RYR1: variants seen among roughly 807,000 people sequenced by gnomAD.
RYR1 encodes central core disease of muscle.
Under a neutral mutation model 583.5 loss-of-function variants are expected in RYR1, and 342 were observed. The observed-to-expected ratio is 0.59, with a 90% CI of 0.54 to 0.64. RYR1 has a LOEUF of 0.64. RYR1 is among the 30% of genes least tolerant of loss of function. The probability of loss-of-function intolerance (pLI) is 0.00; values close to 1 mark genes in which losing one functional copy is unlikely to be tolerated. For synonymous variants in RYR1, 2,791 were observed against 2,822.5 expected (o/e 0.99, Z 0.35); for missense variants, 6,032 against 6,917.2 (o/e 0.87, Z 4.54).
intron 96 of RYR1, among the ~76,000 whole-genome samples, chr19:38,575,669 G>T (rs917454176): frequency 1.3e-5 from 2 of 152,156 alleles, no homozygotes; most frequent in Non-Finnish European, 2.9e-5. Flanking sequence ...CGGGCGTGGT[G>T]GTGGGCGCCT....
At chr19:38,535,518 C>G in intron 81 of RYR1, 126 bp downstream of exon 81, 1 of 784,276 alleles carries the variant, frequency 1.3e-6, no homozygotes, top group Admixed American at 1.8e-5. Flanking sequence ...CAGAATCGCT[C>G]AAATAACAGG....
chr19:38,558,417 G>C (rs1972972362), intron 89 of RYR1, among the ~76,000 whole-genome samples: 1 of 152,188 alleles, frequency 6.6e-6, no homozygotes, highest in African/African-American at 2.4e-5. Context: ...CCTGATGTGA[G>C]TACGTATTGC....
At chr19:38,506,621 C>T in intron 56 of RYR1, 75 bp downstream of exon 56, 13 of 1,568,274 alleles carry the variant, frequency 8.3e-6, no homozygotes, top group Non-Finnish European at 1.1e-5. Context: ...CTTCATGCCC[C>T]TGAAACTCGG....
intron 39 of RYR1, among the ~76,000 whole-genome samples, chr19:38,495,574 TG>T (rs1273296180): frequency 6.6e-6 from 1 of 152,152 alleles, no homozygotes; most frequent in Non-Finnish European, 1.5e-5. Flanking sequence ...CTTGGACTCC[TG>T]GGCTCAAGTG....
At chr19:38,549,929 T>C (rs1972596608) in intron 89 of RYR1, among the ~76,000 whole-genome samples, 1 of 140,952 alleles carries the variant, frequency 7.1e-6, no homozygotes, top group African/African-American at 2.7e-5. Context: ...GTGTGTGTTG[T>C]ATTTTTAGTA....
chr19:38,579,833 C>T, intron 99 of RYR1, 149 bp from the exon 100 acceptor site: 1 of 972,628 alleles, frequency 1.0e-6, no homozygotes, highest in Admixed American at 1.8e-5. Flanking sequence ...GCCTTCTCAC[C>T]CGGAATGCCC....
chr19:38,446,380 A>AG, intron 7 of RYR1, 92 bp from the exon 8 acceptor site: 1 of 944,950 alleles, frequency 1.1e-6, no homozygotes, highest in South Asian at 1.3e-5. Context: ...AGGTTCCCCC[A>AG]GGGGAGGAGC....
intron 12 of RYR1, among the ~76,000 whole-genome samples, chr19:38,452,126 CAAAAAAAAAAAA>C (rs66571762): frequency 1.5e-5 from 1 of 68,882 alleles, no homozygotes; most frequent in Admixed American, 2.0e-4. Context: ...CCGCCTCTAC[CAAAAAAAAAAAA>C]AAAAAAAAAA....
Position 38,504,856 on chromosome 19 carries a change from A to G in RYR1, c.8176A>G (p.Lys2726Glu), listed in dbSNP as rs775424149. Residue 2726 changes from lysine (K) to glutamate (E), a missense_variant, in exon 51 of 106, where the codon AAG becomes GAG. Physicochemically the swap from Lys to Glu is moderately conservative, Grantham distance 56. Around this residue, in one of 11 missense-constraint regions of RYR1, gnomAD observed 1,493 missense variants for 1,715.5 expected, o/e 0.87. Transcript: ENST00000359596. Reference sequence around the variant, plus strand: ...CTCATACTCATCTAAGGCAGAGAAAAAGGCCACAGTGGATGCTGAAGGCAA... The same window carrying G: ...CTCATACTCATCTAAGGCAGAGAAAGAGGCCACAGTGGATGCTGAAGGCAA... ...DASYSSKAEK[K>E]ATVDAEGNFD... 6 of 1,614,064 alleles carry G rather than the reference A, an allele frequency of 3.7e-6. No homozygotes were observed. The highest frequency in any genetic ancestry group is 1.7e-4 in the Middle Eastern group (1 of 6,060).
In RYR1 at chr19:38,482,434, A is replaced by G. The variant is rs181427493; in HGVS notation, c.4621-593A>G. Among the ~76,000 whole-genome samples the G allele has an allele frequency of 4.6e-5, 7 of 152,138 alleles. No individual in the cohort carries two copies. In the East Asian group the frequency reaches 1.4e-3, roughly 29 times the overall value. On this transcript the variant is annotated intron_variant, in intron 31 of 105. Coordinates refer to ENST00000359596, the MANE Select transcript of RYR1 (RefSeq NM_000540.3). ...ACTGGGAAGACGGGAGAGGGGCAAG[A>G]CAGTCTGAGGACACTTCCTGGAATT...
chr19:38,470,745 C>CAAACA (rs369658659), intron 27 of RYR1, among the ~76,000 whole-genome samples: 68 of 152,208 alleles, frequency 4.5e-4, no homozygotes, highest in African/African-American at 1.6e-3. Flanking sequence ...CCTATCTTTA[C>CAAACA]AAACAAAACA....
chr19:38,463,842 G>A lies in RYR1; in HGVS notation c.2778G>A (p.Glu926=). The A allele has an allele frequency of 6.2e-7, 1 of 1,613,698 alleles. No homozygotes were observed. The highest frequency in any genetic ancestry group is 8.5e-7 in the Non-Finnish European group (1 of 1,179,790). The part of the protein sequence containing the change: ...ERNYNLQMSG[E]TLKTLLALGC... The stretch of plus-strand genomic sequence containing the variant: ...ACTACAACCTGCAGATGTCTGGGGA[G>A]ACGCTCAAGTGAGGGCCCAGGGGAG... The change falls in exon 22 of 106, where the codon GAG becomes GAA. Residue 926 remains glutamate, a synonymous_variant. Transcript: ENST00000359596.
Position 38,500,135 on chromosome 19 carries a change from C to A in RYR1, c.7323+119C>A. The A allele has an allele frequency of 1.5e-5, 13 of 894,526 alleles. No individual in the cohort carries two copies. The highest frequency in any genetic ancestry group is 2.3e-5 in the Non-Finnish European group (13 of 559,114). 55.4% of individuals were successfully genotyped at this position (894,526 alleles called of 1,614,324 possible). On this transcript the variant is annotated intron_variant, in intron 45 of 105. Transcript: ENST00000359596. This position sits in a 1 kb window ranked among gnomAD's most constrained non-coding sequence, Gnocchi z 5.9. ...CCATATGTGGGTGGTCCTGGACTAG[C>A]AATGTTGGGGACACAACAGTGACCA...
Position 38,499,328 on chromosome 19 carries a change from G to A in RYR1, c.7027+85G>A. The A allele has an allele frequency of 5.6e-6, 9 of 1,595,844 alleles. No individual in the cohort carries two copies. The highest frequency in any genetic ancestry group is 7.7e-6 in the Non-Finnish European group (9 of 1,164,920). On this transcript the variant is annotated intron_variant, in intron 43 of 105. Transcript: ENST00000359596. The surrounding 1 kb of genome is among the most constrained non-coding windows in gnomAD (Gnocchi z 7.3). ...CTCGAGATGACTGCTCGCACCCTGAGCCACAGATGGGGTCCAGGCAGGAAT... is the reference window on the plus strand; with the variant it reads ...CTCGAGATGACTGCTCGCACCCTGAACCACAGATGGGGTCCAGGCAGGAAT...
intron 7 of RYR1, 51 bp from the exon 8 acceptor site, chr19:38,446,421 C>T: frequency 7.1e-7 from 1 of 1,402,420 alleles, no homozygotes; most frequent in Non-Finnish European, 1.0e-6. Context: ...GGCTCCTGGT[C>T]TTCCTGGGGC....
chr19:38,583,297 C>CA (rs1195725551), intron 101 of RYR1, among the ~76,000 whole-genome samples: 6,379 of 67,426 alleles, frequency 0.095, 379 homozygotes, highest in African/African-American at 0.21. Context: ...AACTCCATCT[C>CA]AAAAAAAAAA....
Position 38,517,580 on chromosome 19 carries a change from C to T in RYR1, c.9907C>T (p.Pro3303Ser), listed in dbSNP as rs1005852615. 3 of 1,613,914 alleles carry T rather than the reference C, an allele frequency of 1.9e-6. No homozygotes were observed. The African/African-American group carries it at 4.0e-5, about 22-fold the overall frequency. ...CGCCCTGCCCGCCGGCGCCCCCCCA[C>T]CCTGCACAGCTGTCACCTCTGACCA... ...PSALPAGAPP[P>S]CTAVTSDHLN... is the part of the protein sequence containing the mutation. The change falls in exon 66 of 106, where the codon CCC becomes TCC. Residue 3303 changes from proline to serine, a missense_variant. Around this residue, in one of 11 missense-constraint regions of RYR1, gnomAD observed 1,493 missense variants for 1,715.5 expected, o/e 0.87. Transcript: ENST00000359596.
At chr19:38,510,258 G>A (rs1970666552) in intron 58 of RYR1, among the ~76,000 whole-genome samples, 2 of 152,044 alleles carry the variant, frequency 1.3e-5, no homozygotes, top group Non-Finnish European at 2.9e-5. Context: ...GAGGCAGAGA[G>A]TGCAGTGAGC....
rs1456324897 is a variant in RYR1, at chr19:38,536,280, CG to C, written c.11590+211del. Among the ~76,000 whole-genome samples the C allele has an allele frequency of 8.8e-3, 877 of 99,458 alleles. 18 individuals carry two copies. Among genetic ancestry groups the C allele is most frequent in the African/African-American group, 0.037 (838 of 22,728 alleles). 65.2% of individuals were successfully genotyped at this position (99,458 alleles called of 152,430 possible). A position where few individuals can be genotyped will look rare whatever the true frequency, so the allele number is the denominator to read the frequency against. On this transcript the variant is annotated intron_variant, in intron 82 of 105. Transcript: ENST00000359596. ...CCTCCCCATGTCCACCACCCACCTC[CG>C]CCCCCCCCCGCCACCAGAAGTCATT... is the stretch of plus-strand genomic sequence containing the variant.
Sources: allele counts gnomAD v4.1 joint callset (sites outside exome capture counted in the v4.1 genomes callset), GRCh38; gene constraint gnomAD v4.1.1; regional missense constraint gnomAD v4.1.1; non-coding constraint Gnocchi (gnomAD v3.1); transcripts MANE v1.5; gene names NCBI Gene and HGNC (gene_info 2026-07-23, HGNC 2026-07-21).